OOSP4A: variants seen among roughly 807,000 people sequenced by gnomAD.
OOSP4A encodes oocyte-secreted protein 4A.
rs1487956281 is a variant in OOSP4A at position 59,969,282 on chromosome 11, T to A, written c.477T>A (p.Tyr159Ter). ...TGGAAATCCGTCCAAGAGTGTCCTA[T>A]GTGTAAGAGTATTTTGAATTAGTAC... Residue 159 changes from tyrosine to a stop codon, truncating the protein, a stop_gained and splice_region_variant, in exon 4 of 5, where the codon TAT (tyrosine) becomes TAA (stop). Coordinates refer to ENST00000645590, the Ensembl canonical transcript of OOSP4A. LOFTEE classifies it low-confidence loss of function (END_TRUNC). 7.5e-6 allele frequency: 3 copies of A among 398,410 alleles called. No individual in the cohort carries two copies. The highest frequency in any genetic ancestry group is 1.3e-5 in the Non-Finnish European group (3 of 225,834). The allele number at this position is 398,410 out of a possible 1,614,324, so 24.7% of individuals were successfully genotyped here. A position where few individuals can be genotyped will look rare whatever the true frequency, so the allele number is the denominator to read the frequency against.
At chr11:59,964,536 A>C (rs1297257473) in intron 1 of OOSP4A, among the ~76,000 whole-genome samples, 1 of 152,066 alleles carries the variant, frequency 6.6e-6, no homozygotes, top group African/African-American at 2.4e-5. Context: ...ATTGTATATG[A>C]TTCTTTTCAG....
chr11:59,964,148 CT>C (rs397848906), intron 1 of OOSP4A, 49 bp downstream of exon 1: 87,740 of 308,896 alleles, frequency 0.28, 4,541 homozygotes, highest in Admixed American at 0.41. Context: ...ATCAGCAGGG[CT>C]TTTTTTTTTT....
chr11:59,968,436 T>C (rs1854123915), intron 3 of OOSP4A, among the ~76,000 whole-genome samples: 1 of 152,206 alleles, frequency 6.6e-6, no homozygotes, highest in African/African-American at 2.4e-5. Flanking sequence ...ACCTGCTCAT[T>C]TTCTGTCTTG....
intron 1 of OOSP4A, among the ~76,000 whole-genome samples, chr11:59,964,957 A>G (rs1180756118): frequency 6.6e-6 from 1 of 152,044 alleles, no homozygotes; most frequent in Non-Finnish European, 1.5e-5. Context: ...ACCTGTTAGT[A>G]AAATTTGAAC....
intron 2 of OOSP4A, 85 bp from the exon 3 acceptor site, chr11:59,966,982 G>T: frequency 2.6e-6 from 1 of 391,862 alleles, no homozygotes; most frequent in Non-Finnish European, 4.5e-6. Context: ...AAATTATTTT[G>T]TTTTTAATCT....
chr11:59,965,486 G>A (rs1854089746), intron 1 of OOSP4A, 49 bp from the exon 2 acceptor site: 2 of 398,088 alleles, frequency 5.0e-6, no homozygotes, highest in Non-Finnish European at 8.9e-6. Context: ...TTTGTTTGGG[G>A]GCAGACGTAC....
At chr11:59,965,586 C>A (rs184978506) in exon 2 of OOSP4A, 1 of 398,466 alleles carries the variant, frequency 2.5e-6, no homozygotes, top group Non-Finnish European at 4.4e-6. Flanking sequence ...AGACGAACGC[C>A]GCTGTTAAAT....
chr11:59,966,903 A>T (rs545062998), intron 2 of OOSP4A, among the ~76,000 whole-genome samples, 164 bp from the exon 3 acceptor site: 1 of 152,362 alleles, frequency 6.6e-6, no homozygotes, highest in East Asian at 1.9e-4. Context: ...TTTATCACTT[A>T]GCTCTGCTCT....
At chr11:59,968,496 C>T (rs1380478260) in intron 3 of OOSP4A, among the ~76,000 whole-genome samples, 1 of 152,190 alleles carries the variant, frequency 6.6e-6, no homozygotes, top group Non-Finnish European at 1.5e-5. Context: ...CTCTCCAGTT[C>T]ACAGGTATTC....
At chr11:59,965,891 T>C (rs891104638) in intron 2 of OOSP4A, among the ~76,000 whole-genome samples, 178 bp downstream of exon 2, 1 of 152,210 alleles carries the variant, frequency 6.6e-6, no homozygotes, top group African/African-American at 2.4e-5. Context: ...GAAAGACAAA[T>C]AGGATTTGGG....
chr11:59,968,545 C>A (rs190757932), intron 3 of OOSP4A, among the ~76,000 whole-genome samples: 1 of 152,246 alleles, frequency 6.6e-6, no homozygotes, highest in East Asian at 1.9e-4. Context: ...AATGTTGATA[C>A]CTGTGGGGGA....
intron 3 of OOSP4A, among the ~76,000 whole-genome samples, chr11:59,968,801 C>G (rs1854128450): frequency 6.6e-6 from 1 of 152,210 alleles, no homozygotes; most frequent in South Asian, 2.1e-4. Flanking sequence ...GAACTCAGAA[C>G]TGCATGCCTC....
In OOSP4A at chr11:59,964,148, CTTTTTT is replaced by C. The variant is rs397848906; in HGVS notation, c.67+64_67+69del. On this transcript the variant is annotated intron_variant, in intron 1 of 4. Coordinates refer to ENST00000645590, the Ensembl canonical transcript of OOSP4A. ...GAGGTGGCAATTTCAATCAGCAGGG[CTTTTTT>C]TTTTTTTTTTTTTTAACATATTGTT... The C allele has an allele frequency of 2.9e-4, 90 of 311,498 alleles. No individual in the cohort carries two copies. The East Asian group carries it at 3.3e-3, about 12-fold the overall frequency. 19.3% of individuals were successfully genotyped at this position (311,498 alleles called of 1,614,324 possible).
Position 59,970,119 on chromosome 11 carries a change from G to A in OOSP4A, c.550G>A (p.Gly184Arg), listed in dbSNP as rs564111518. 29 of 398,056 alleles carry A rather than the reference G, an allele frequency of 7.3e-5. No homozygotes were observed. The Admixed American group carries it at 9.2e-4, about 13-fold the overall frequency. The allele number at this position is 398,056 out of a possible 1,614,324, so 24.7% of individuals were successfully genotyped here. The change falls in exon 5 of 5, where the codon GGA becomes AGA. Residue 184 changes from glycine to arginine, a missense_variant. By Grantham distance (125) the Gly-to-Arg change is moderately radical. Transcript: ENST00000645590. ...GTGTAAGAACAAAGCTGTACATTCT[G>A]GATGATGAGGCTACCCTACTTCACC...
chr11:59,966,467 T>C (rs917762991), intron 2 of OOSP4A, among the ~76,000 whole-genome samples: 1 of 151,782 alleles, frequency 6.6e-6, no homozygotes, highest in African/African-American at 2.4e-5. Flanking sequence ...TAAATCAGAC[T>C]CTGACTCTTT....
At chr11:59,968,342 C>G (rs557711959) in intron 3 of OOSP4A, among the ~76,000 whole-genome samples, 2 of 152,286 alleles carry the variant, frequency 1.3e-5, no homozygotes, top group South Asian at 4.1e-4. Flanking sequence ...GGGTGGTCAT[C>G]ACAACTGCAT....
At chr11:59,964,728 A>G (rs771677231) in intron 1 of OOSP4A, among the ~76,000 whole-genome samples, 26 of 152,192 alleles carry the variant, frequency 1.7e-4, no homozygotes, top group Non-Finnish European at 2.9e-4. Context: ...CAAAATTATC[A>G]TCGGAGTAAC....
exon 2 of OOSP4A, chr11:59,965,607 C>T (rs1261189050): frequency 2.5e-6 from 1 of 398,426 alleles, no homozygotes; most frequent in East Asian, 3.6e-5. Flanking sequence ...GACCTGCAAC[C>T]TTTGCAAAAC....
At chr11:59,969,584 C>T (rs1275866115) in intron 4 of OOSP4A, among the ~76,000 whole-genome samples, 1 of 152,176 alleles carries the variant, frequency 6.6e-6, no homozygotes, top group Admixed American at 6.5e-5. Context: ...GGAATGGGAT[C>T]ATGGATTCCC....
Sources: gnomAD v4.1 joint callset for allele counts (sites outside exome capture counted in the v4.1 genomes callset) on GRCh38, gnomAD v4.1.1 for gene constraint, MANE v1.5 for transcripts, NCBI Gene and HGNC (gene_info 2026-07-23, HGNC 2026-07-21) for gene names.